Variants in TSHZ3 observed in about 807,000 individuals in gnomAD.
The protein encoded by TSHZ3 is teashirt homolog 3.
Under a neutral mutation model 64.5 loss-of-function variants are expected in TSHZ3, and 10 were observed. That is an observed-to-expected ratio of 0.16 (90% CI 0.10 to 0.26). The LOEUF is 0.26. TSHZ3 is among the 10% of genes least tolerant of loss of function. The pLI is 1.00. For synonymous variants in TSHZ3, 608 were observed against 593.1 expected, an observed-to-expected ratio of 1.03 and a Z score of -0.36; for missense variants, 1,242 against 1,421.7, an observed-to-expected ratio of 0.87 and a Z score of 2.03.
chr19:31,152,894 T>C (rs1210472709), intron 6 of TSHZ3, among the ~76,000 whole-genome samples: 3 of 152,158 alleles, frequency 2.0e-5, no homozygotes, highest in Admixed American at 1.3e-4. Flanking sequence ...CCCAAAGTCA[T>C]GAAGCCATGA....
intron 3 of TSHZ3, among the ~76,000 whole-genome samples, chr19:31,241,193 G>A (rs16965284): frequency 0.025 from 3,791 of 152,082 alleles, 151 homozygotes; most frequent in African/African-American, 0.087. Flanking sequence ...CTTGCACATC[G>A]TCTAGTAGGC....
At chr19:31,210,876 T>TA (rs1347412556) in intron 4 of TSHZ3, among the ~76,000 whole-genome samples, 2 of 152,232 alleles carry the variant, frequency 1.3e-5, no homozygotes, top group African/African-American at 2.4e-5. Context: ...GTGTTTAGCA[T>TA]AAAATGTTGT....
intron 1 of TSHZ3, among the ~76,000 whole-genome samples, chr19:31,293,583 C>T (rs1450379402): frequency 6.6e-6 from 1 of 152,226 alleles, no homozygotes; most frequent in Admixed American, 6.5e-5. Context: ...CCTTTCTCAC[C>T]TGTCTCATTG....
chr19:31,310,282 T>G (rs1427959085), intron 1 of TSHZ3, among the ~76,000 whole-genome samples: 1 of 152,070 alleles, frequency 6.6e-6, no homozygotes, highest in Non-Finnish European at 1.5e-5. Context: ...AAGAGTCGAG[T>G]GACCCAAAGC....
At chr19:31,346,590 G>T (rs1260832733) in intron 1 of TSHZ3, among the ~76,000 whole-genome samples, 1 of 152,130 alleles carries the variant, frequency 6.6e-6, no homozygotes, top group Non-Finnish European at 1.5e-5. Context: ...TCTCAAGGTT[G>T]CTGGGGACTG....
chr19:31,186,216 G>A (rs1172824519), intron 5 of TSHZ3, among the ~76,000 whole-genome samples: 1 of 152,106 alleles, frequency 6.6e-6, no homozygotes, highest in Non-Finnish European at 1.5e-5. Context: ...CTAGGGTAAA[G>A]AGTATATTTA....
chr19:31,339,437 C>T (rs2867600), intron 1 of TSHZ3, among the ~76,000 whole-genome samples: 23,011 of 151,972 alleles, frequency 0.15, 2,160 homozygotes, highest in East Asian at 0.46. Flanking sequence ...TCTTTCCTCC[C>T]TTTCCCTCTT....
At chr19:31,302,899 G>A (rs1474972648) in intron 1 of TSHZ3, among the ~76,000 whole-genome samples, 6 of 148,824 alleles carry the variant, frequency 4.0e-5, no homozygotes, top group Non-Finnish European at 8.8e-5. Flanking sequence ...TTGCTTGGTG[G>A]AAATAAGATG....
chr19:31,278,694 C>T lies in TSHZ3; in HGVS notation c.1099G>A (p.Gly367Ser), dbSNP rs777524623. ...GCATAGCTGGCCCCATTCTGGTGGC[C>T]GTACCGATTATTTGGCGTGATGTAA... Reference protein sequence around the residue: ...NPYITPNNRYGHQNGASYAWH... With the variant: ...NPYITPNNRYSHQNGASYAWH... Residue 367 changes from glycine to serine, a missense_variant, in exon 2 of 2, where the codon GGC becomes AGC. Gly to Ser is a moderately conservative substitution (Grantham distance 56). Transcript: ENST00000240587. The surrounding 1 kb of genome is among the most constrained non-coding windows in gnomAD (Gnocchi z 4.7). The T allele has an allele frequency of 9.9e-6, 16 of 1,613,976 alleles. No individual in the cohort carries two copies. Among genetic ancestry groups the T allele is most frequent in the East Asian group, 2.2e-5 (1 of 44,870 alleles).
chr19:31,195,920 A>G (rs1267424656), intron 5 of TSHZ3, among the ~76,000 whole-genome samples: 6 of 152,102 alleles, frequency 3.9e-5, no homozygotes, highest in Admixed American at 3.9e-4. Flanking sequence ...TCATTGTGTG[A>G]ACATCATAGT....
At position 31,277,357 on chromosome 19, in the gene TSHZ3, G is replaced by A. The variant is rs776216347; in HGVS notation, c.2436C>T (p.Ser812=). 1.8e-5 allele frequency: 29 copies of A among 1,614,130 alleles called. No individual in the cohort carries two copies. In the South Asian group the frequency reaches 3.0e-4, roughly 16 times the overall value. ...SLGSVLLSPT[S]TAPATSSSTV... is the part of the protein sequence containing the mutation. ...TGGATGAGGAGGTTGCCGGGGCTGT[G>A]GACGTGGGTGACAGAAGCACTGAAC... The change falls in exon 2 of 2, where the codon TCC becomes TCT. Residue 812 remains serine (S), a synonymous_variant. Coordinates refer to ENST00000240587, the MANE Select transcript of TSHZ3 (RefSeq NM_020856.4). This position sits in a 1 kb window ranked among gnomAD's most constrained non-coding sequence, Gnocchi z 4.5.
chr19:31,238,409 C>A (rs1001234795), intron 3 of TSHZ3, among the ~76,000 whole-genome samples: 2 of 152,076 alleles, frequency 1.3e-5, no homozygotes, highest in East Asian at 1.9e-4. Context: ...GCACTCACCA[C>A]TACACCTGGC....
At chr19:31,161,155 G>A (rs1974369684) in intron 5 of TSHZ3, among the ~76,000 whole-genome samples, 1 of 152,188 alleles carries the variant, frequency 6.6e-6, no homozygotes, top group Non-Finnish European at 1.5e-5. Flanking sequence ...CTCTGTATGT[G>A]TATAAACACA....
At chr19:31,219,220 T>C (rs181910323) in intron 4 of TSHZ3, among the ~76,000 whole-genome samples, 12 of 152,298 alleles carry the variant, frequency 7.9e-5, no homozygotes, top group Admixed American at 7.8e-4. Context: ...CTTCTCCCAG[T>C]GGAGCTTGTT....
chr19:31,207,325 G>T (rs1199799151), intron 4 of TSHZ3, among the ~76,000 whole-genome samples: 3 of 152,068 alleles, frequency 2.0e-5, no homozygotes, highest in Non-Finnish European at 4.4e-5. Context: ...CCTTCAATTT[G>T]AACAATTTTT....
chr19:31,226,040 T>C (rs545715219), intron 4 of TSHZ3, among the ~76,000 whole-genome samples: 2 of 151,446 alleles, frequency 1.3e-5, no homozygotes, highest in Non-Finnish European at 2.9e-5. Context: ...GGCAGGAGAA[T>C]CACTGGAATC....
chr19:31,341,630 G>GACACACACACACAC (rs57786287), intron 1 of TSHZ3, among the ~76,000 whole-genome samples: 1 of 137,988 alleles, frequency 7.2e-6, no homozygotes, highest in Non-Finnish European at 1.6e-5. Context: ...CTCTCTCTCT[G>GACACACACACACAC]ACACACACAC....
chr19:31,191,638 C>G (rs1974908747), intron 5 of TSHZ3, among the ~76,000 whole-genome samples: 2 of 152,084 alleles, frequency 1.3e-5, no homozygotes, highest in Admixed American at 6.5e-5. Flanking sequence ...GGGAGGTTCA[C>G]TTGTGGCCAG....
intron 1 of TSHZ3, among the ~76,000 whole-genome samples, chr19:31,280,348 T>G (rs1293067772): frequency 6.6e-6 from 1 of 152,020 alleles, no homozygotes; most frequent in African/African-American, 2.4e-5. Context: ...TTTTTTTTTT[T>G]CTTTCTTCCT....
Sources: allele counts gnomAD v4.1 joint callset (sites outside exome capture counted in the v4.1 genomes callset), GRCh38; gene constraint gnomAD v4.1.1; non-coding constraint Gnocchi (gnomAD v3.1); transcripts MANE v1.5; gene names NCBI Gene and HGNC (gene_info 2026-07-23, HGNC 2026-07-21).